The following C1GALT1 variants were observed in gnomAD, a reference collection of about 807,000 sequenced individuals.
C1GALT1 encodes the protein core 1 synthase, glycoprotein-N-acetylgalactosamine 3-beta-galactosyltransferase 1.
Under a neutral mutation model 31.0 loss-of-function variants are expected in C1GALT1, and 11 were observed. The ratio of observed to expected loss-of-function variants is 0.36; its 90% CI spans 0.22 to 0.59. The LOEUF is 0.59. Ranked by LOEUF, C1GALT1 falls within the 20% of genes least tolerant of loss-of-function variation. The pLI is 0.79. For missense variants in C1GALT1, 424 were observed against 425.2 expected (o/e 1.00, Z 0.03); for synonymous variants, 175 against 143.6 (o/e 1.22, Z -1.56).
At chr7:7,182,968 TG>T (rs1318760386) in intron 1 of C1GALT1, 148 bp downstream of exon 1, 1 of 508,556 alleles carries the variant, frequency 2.0e-6, no homozygotes, top group African/African-American at 2.1e-5. Flanking sequence ...AAAGCCGGGC[TG>T]GGGTCGTCCG....
At chr7:7,210,918 C>T (rs914632117) in intron 1 of C1GALT1, among the ~76,000 whole-genome samples, 1 of 152,178 alleles carries the variant, frequency 6.6e-6, no homozygotes. Flanking sequence ...CCAAGGACCC[C>T]TTTTTCTTCT....
intron 2 of C1GALT1, among the ~76,000 whole-genome samples, chr7:7,176,348 A>G (rs1780506171): frequency 6.6e-6 from 1 of 152,240 alleles, no homozygotes; most frequent in African/African-American, 2.4e-5. Context: ...GTTCTTTTCA[A>G]TAACAGATGC....
chr7:7,192,950 C>T (rs953728627), intron 1 of C1GALT1, among the ~76,000 whole-genome samples: 1 of 152,000 alleles, frequency 6.6e-6, no homozygotes, highest in Non-Finnish European at 1.5e-5. Flanking sequence ...ACTTGTATAT[C>T]TTCTTTTGGG....
chr7:7,174,643 A>T (rs965880781), intron 2 of C1GALT1, among the ~76,000 whole-genome samples: 1 of 151,914 alleles, frequency 6.6e-6, no homozygotes, highest in Admixed American at 6.6e-5. Context: ...AAATTTCTTC[A>T]TTCTTTTTCC....
intron 2 of C1GALT1, among the ~76,000 whole-genome samples, chr7:7,162,019 T>C (rs1780338190): frequency 6.6e-6 from 1 of 151,952 alleles, no homozygotes; most frequent in African/African-American, 2.4e-5. Flanking sequence ...TATGGCCTCA[T>C]TTGTGAACAG....
chr7:7,177,013 C>T (rs1258278013), intron 2 of C1GALT1, among the ~76,000 whole-genome samples: 3 of 152,178 alleles, frequency 2.0e-5, no homozygotes, highest in Non-Finnish European at 2.9e-5. Context: ...TTTCTTCCCC[C>T]TAGAGTTCTT....
chr7:7,158,875 A>C (rs1271450095), intron 2 of C1GALT1, among the ~76,000 whole-genome samples: 1 of 152,042 alleles, frequency 6.6e-6, no homozygotes, highest in Admixed American at 6.6e-5. Context: ...TGATTTTCTT[A>C]ATGAATTAAA....
intron 2 of C1GALT1, among the ~76,000 whole-genome samples, chr7:7,237,904 C>T (rs757708604): frequency 2.6e-5 from 4 of 152,136 alleles, no homozygotes; most frequent in Non-Finnish European, 5.9e-5. Flanking sequence ...ACCAGGAGAA[C>T]TTATTAAAAT....
chr7:7,226,676 A>T (rs1782774544), intron 1 of C1GALT1, among the ~76,000 whole-genome samples: 1 of 152,172 alleles, frequency 6.6e-6, no homozygotes, highest in African/African-American at 2.4e-5. Flanking sequence ...TGTGGCACCG[A>T]TTAGCGCCAT....
chr7:7,229,139 A>T (rs537939650), intron 1 of C1GALT1, among the ~76,000 whole-genome samples: 1 of 152,334 alleles, frequency 6.6e-6, no homozygotes, highest in South Asian at 2.1e-4. Context: ...ACTGAATGGC[A>T]TTGTGACTAC....
At chr7:7,173,368 T>C (rs1780473842) in intron 2 of C1GALT1, among the ~76,000 whole-genome samples, 1 of 152,056 alleles carries the variant, frequency 6.6e-6, no homozygotes, top group Non-Finnish European at 1.5e-5. Flanking sequence ...GCCAGCATCA[T>C]GCTTCCTGTA....
At chr7:7,211,242 A>G (rs1781990562) in intron 1 of C1GALT1, among the ~76,000 whole-genome samples, 2 of 152,230 alleles carry the variant, frequency 1.3e-5, no homozygotes, top group Non-Finnish European at 2.9e-5. Flanking sequence ...GGCTTAAAAA[A>G]GGAGTTAACC....
intron 1 of C1GALT1, among the ~76,000 whole-genome samples, chr7:7,191,848 T>G (rs1248232563): frequency 6.6e-6 from 1 of 152,054 alleles, no homozygotes; most frequent in African/African-American, 2.4e-5. Context: ...TTTTAGGAAT[T>G]TTCTATATAT....
At chr7:7,200,195 T>A (rs565303670) in intron 1 of C1GALT1, among the ~76,000 whole-genome samples, 2 of 152,320 alleles carry the variant, frequency 1.3e-5, no homozygotes, top group South Asian at 2.1e-4. Context: ...TTCCTTTCCA[T>A]GTTTAGTGCT....
intron 1 of C1GALT1, among the ~76,000 whole-genome samples, chr7:7,214,656 A>G (rs932060551): frequency 7.9e-5 from 12 of 152,336 alleles, no homozygotes; most frequent in African/African-American, 2.9e-4. Flanking sequence ...AGTATTTTCA[A>G]AATTGAGACT....
At chr7:7,234,200 T>C (rs973369774) in intron 1 of C1GALT1, 103 bp from the exon 2 acceptor site, 4 of 809,336 alleles carry the variant, frequency 4.9e-6, no homozygotes, top group Non-Finnish European at 3.9e-6. Flanking sequence ...TAAATACTGT[T>C]AGAAATTAAC....
At chr7:7,209,842 A>AGATG (rs1347682614) in intron 1 of C1GALT1, among the ~76,000 whole-genome samples, 2 of 151,964 alleles carry the variant, frequency 1.3e-5, no homozygotes, top group African/African-American at 4.8e-5. Flanking sequence ...CAGCGAAGGG[A>AGATG]GATGGGGTGG....
intron 1 of C1GALT1, among the ~76,000 whole-genome samples, chr7:7,188,562 C>T (rs1780920425): frequency 1.3e-5 from 2 of 150,938 alleles, no homozygotes; most frequent in Non-Finnish European, 2.9e-5. Context: ...GTACCCGATG[C>T]AAAATTAAAA....
intron 2 of C1GALT1, among the ~76,000 whole-genome samples, chr7:7,237,464 AT>A (rs1378751949): frequency 5.9e-5 from 9 of 152,178 alleles, no homozygotes; most frequent in African/African-American, 1.9e-4. Context: ...GTTGGTTCTG[AT>A]AGTAGGCCTT....
Sources: gnomAD v4.1 joint callset for allele counts (sites outside exome capture counted in the v4.1 genomes callset) on GRCh38, gnomAD v4.1.1 for gene constraint, MANE v1.5 for transcripts, NCBI Gene and HGNC (gene_info 2026-07-23, HGNC 2026-07-21) for gene names.